ASB1: variants seen among roughly 807,000 people sequenced by gnomAD.
The protein encoded by ASB1 is ankyrin repeat and SOCS box protein 1.
Under a neutral mutation model 27.7 loss-of-function variants are expected in ASB1, and 18 were observed. The ratio of observed to expected loss-of-function variants is 0.65; its 90% CI spans 0.45 to 0.96. ASB1 has a LOEUF of 0.96. ASB1 is among the 50% of genes least tolerant of loss of function. The pLI is 0.00. For missense variants in ASB1, 397 were observed against 451.7 expected (o/e 0.88, Z 1.10); for synonymous variants, 189 against 187.6 (o/e 1.01, Z -0.06).
rs369712307 is a variant in ASB1 at position 238,446,547 on chromosome 2, A to G, written c.*36A>G. ...CTGCGGTTGATTCCAGTGAGGGAGA[A>G]AGTGATCTGCAGGGAGGTGGACACC... On this transcript the variant is annotated 3_prime_UTR_variant, in exon 5 of 5. Transcript: ENST00000264607. 4 of 1,609,782 alleles carry G rather than the reference A, an allele frequency of 2.5e-6. No homozygotes were observed. In the African/African-American group the frequency reaches 5.3e-5, roughly 21 times the overall value.
At chr2:238,436,796 T>C (rs1459946713) in intron 3 of ASB1, among the ~76,000 whole-genome samples, 1 of 152,102 alleles carries the variant, frequency 6.6e-6, no homozygotes, top group African/African-American at 2.4e-5. Context: ...TACATTTTTG[T>C]CATTGGATCT....
Position 238,435,960 on chromosome 2 carries a change from T to A in ASB1, c.441T>A (p.Pro147=), listed in dbSNP as rs201018863. Residue 147 remains proline, a synonymous_variant, in exon 3 of 5, where the codon CCT becomes CCA. Transcript: ENST00000264607. Reference sequence around the variant, plus strand: ...GAAGCCGGCACCATCGCAGCACCCCTGTCTACCACGCCTCTCGCGTGGGCC... The same window carrying A: ...GAAGCCGGCACCATCGCAGCACCCCAGTCTACCACGCCTCTCGCGTGGGCC... ...PNGSRHHRST[P]VYHASRVGRA... The A allele has an allele frequency of 6.2e-7, 1 of 1,614,038 alleles. No individual in the cohort carries two copies. Among genetic ancestry groups the A allele is most frequent in the East Asian group, 2.2e-5 (1 of 44,882 alleles).
rs1445040751 is a variant in ASB1, at chr2:238,443,751, T to C, written c.495-591T>C. On this transcript the variant is annotated intron_variant, in intron 3 of 4. Transcript: ENST00000264607. ...TTGTCATATGCCCACCTTTTTTTTT[T>C]TTTCTGCATCTGCAGAGATAATCAG... 2.6e-5 allele frequency among the ~76,000 whole-genome samples: 4 copies of C among 152,146 alleles called. No individual in the cohort carries two copies. In the East Asian group the frequency reaches 7.7e-4, roughly 29 times the overall value.
intron 3 of ASB1, among the ~76,000 whole-genome samples, chr2:238,440,642 G>A (rs1162814118): frequency 6.6e-6 from 1 of 152,180 alleles, no homozygotes; most frequent in African/African-American, 2.4e-5. Context: ...CCCCCTCATT[G>A]ACTGATCCCT....
Position 238,427,138 on chromosome 2 carries a change from C to G in ASB1, c.49+19C>G. On this transcript the variant is annotated intron_variant, in intron 1 of 4. Coordinates refer to ENST00000264607, the MANE Select transcript of ASB1 (RefSeq NM_001040445.3). ...TCCGCAGGTAACGTGCGCGCGGCCACTGGGCCGCGGGGCGTGTGGGGATGG... is the reference window on the plus strand; with the variant it reads ...TCCGCAGGTAACGTGCGCGCGGCCAGTGGGCCGCGGGGCGTGTGGGGATGG... The G allele has an allele frequency of 1.6e-6, 2 of 1,241,716 alleles. No individual in the cohort carries two copies. Among genetic ancestry groups the G allele is most frequent in the Non-Finnish European group, 2.0e-6 (2 of 991,774 alleles). 76.9% of individuals were successfully genotyped at this position (1,241,716 alleles called of 1,614,324 possible).
intron 1 of ASB1, 65 bp downstream of exon 1, chr2:238,427,184 C>T: frequency 1.7e-6 from 2 of 1,156,756 alleles, no homozygotes; most frequent in Non-Finnish European, 2.2e-6. Flanking sequence ...GCTCCGGCGT[C>T]CCTGCCGAGG....
At position 238,427,068 on chromosome 2, in the gene ASB1, T is replaced by C; in HGVS notation, c.-3T>C. On this transcript the variant is annotated 5_prime_UTR_variant, in exon 1 of 5. Transcript: ENST00000264607. ...AGGGGCGGCCGCGGAGGCGGAAGCATCCATGGCGGAGGGCGGCAGCCCAGA... is the reference window on the plus strand; with the variant it reads ...AGGGGCGGCCGCGGAGGCGGAAGCACCCATGGCGGAGGGCGGCAGCCCAGA... The C allele has an allele frequency of 2.4e-6, 3 of 1,263,006 alleles. No homozygotes were observed. The highest frequency in any genetic ancestry group is 3.0e-6 in the Non-Finnish European group (3 of 1,005,206). 78.2% of individuals were successfully genotyped at this position (1,263,006 alleles called of 1,614,324 possible).
intron 3 of ASB1, among the ~76,000 whole-genome samples, chr2:238,436,275 A>G (rs538465571): frequency 6.6e-6 from 1 of 151,938 alleles, no homozygotes. Context: ...TTAAGAATGC[A>G]AACTTGCAAC....
At chr2:238,436,522 G>A (rs1701974503) in intron 3 of ASB1, among the ~76,000 whole-genome samples, 1 of 152,040 alleles carries the variant, frequency 6.6e-6, no homozygotes, top group African/African-American at 2.4e-5. Context: ...TTTTTGAGGT[G>A]GGGTCTTACT....
intron 2 of ASB1, among the ~76,000 whole-genome samples, chr2:238,434,913 C>G (rs1701937377): frequency 6.6e-6 from 1 of 152,210 alleles, no homozygotes; most frequent in Non-Finnish European, 1.5e-5. Context: ...CTCGACTTTC[C>G]TGGGCAGTCA....
chr2:238,434,106 C>G (rs1307406451), intron 2 of ASB1, among the ~76,000 whole-genome samples: 2 of 152,206 alleles, frequency 1.3e-5, no homozygotes, highest in Admixed American at 6.5e-5. Flanking sequence ...GCCCTTTCCT[C>G]TAGCTTCTCA....
At chr2:238,438,386 G>A (rs1005417964) in intron 3 of ASB1, among the ~76,000 whole-genome samples, 38 of 151,844 alleles carry the variant, frequency 2.5e-4, no homozygotes, top group African/African-American at 9.2e-4. Flanking sequence ...ATTTTTAGTT[G>A]AGACAGGGTT....
intron 1 of ASB1, among the ~76,000 whole-genome samples, chr2:238,431,660 T>C (rs1701873257): frequency 2.0e-5 from 3 of 152,356 alleles, no homozygotes; most frequent in Non-Finnish European, 2.9e-5. Context: ...TGTGACTGTT[T>C]CTTTAACTTG....
rs200568336 is a variant in ASB1 at position 238,444,656 on chromosome 2, C to T, written c.809C>T (p.Ser270Leu). The change falls in exon 4 of 5, where the codon TCG becomes TTG. Residue 270 changes from serine to leucine, a missense_variant. Physicochemically the swap from Ser to Leu is moderately radical, Grantham distance 145. Transcript: ENST00000264607. ...GANLNLVKWESLGPESRGRRK... is the reference protein window; with the variant it reads ...GANLNLVKWELLGPESRGRRK... ...AACCTGAATCTAGTGAAGTGGGAAT[C>T]GCTGGGCCCAGAGTCGAGAGGAAGA... 234 of 1,613,988 alleles carry T rather than the reference C, an allele frequency of 1.4e-4. 1 individual carries two copies. Among genetic ancestry groups the T allele is most frequent in the Middle Eastern group, 4.9e-4 (3 of 6,082 alleles).
At position 238,446,499 on chromosome 2, in the gene ASB1, A is replaced by C. The variant is rs767580023; in HGVS notation, c.996A>C (p.Leu332=). 2.5e-6 allele frequency: 4 copies of C among 1,613,938 alleles called. No individual in the cohort carries two copies. The highest frequency in any genetic ancestry group is 2.5e-6 in the Non-Finnish European group (3 of 1,180,002). The part of the protein sequence containing the change: ...LPLPDPIKKF[L]LHE ...TGCCAGACCCCATAAAGAAGTTTCT[A>C]CTCCATGAGTAGACTCCAAGTGCTG... The change falls in exon 5 of 5, where the codon CTA becomes CTC. Residue 332 remains leucine, a synonymous_variant. Coordinates refer to ENST00000264607, the MANE Select transcript of ASB1 (RefSeq NM_001040445.3).
chr2:238,449,641 T>C lies in ASB1; in HGVS notation c.*3130T>C, dbSNP rs1702245734. The C allele has an allele frequency of 6.6e-6, 1 of 152,200 alleles. No individual in the cohort carries two copies. The highest frequency in any genetic ancestry group is 2.4e-5 in the African/African-American group (1 of 41,430). The allele number at this position is 152,200 out of a possible 1,614,324, so 9.4% of individuals were successfully genotyped here. On this transcript the variant is annotated 3_prime_UTR_variant, in exon 5 of 5. Transcript: ENST00000264607. ...ATTCTGTGACTCTTTGCATCACTCGTGTTATTTATTTATTTATTTATATTC... is the reference window on the plus strand; with the variant it reads ...ATTCTGTGACTCTTTGCATCACTCGCGTTATTTATTTATTTATTTATATTC...
chr2:238,448,689 C>G lies in ASB1; in HGVS notation c.*2178C>G, dbSNP rs1051535030. 1 of 152,420 alleles carries G rather than the reference C, an allele frequency of 6.6e-6. No homozygotes were observed. The highest frequency in any genetic ancestry group is 1.5e-5 in the Non-Finnish European group (1 of 68,186). The allele number at this position is 152,420 out of a possible 1,614,324, so 9.4% of individuals were successfully genotyped here. A position where few individuals can be genotyped will look rare whatever the true frequency, so the allele number is the denominator to read the frequency against. The stretch of plus-strand genomic sequence containing the variant: ...TATTGAACCTTTTGGGAAGCAGCAC[C>G]TGGGAATGCTGCCTCGTGGGAGTCC... On this transcript the variant is annotated 3_prime_UTR_variant, in exon 5 of 5. Coordinates refer to ENST00000264607, the MANE Select transcript of ASB1 (RefSeq NM_001040445.3).
rs1398898914 is a variant in ASB1, at chr2:238,436,011, C to A, written c.492C>A (p.Ile164=). 5 of 1,605,736 alleles carry A rather than the reference C, an allele frequency of 3.1e-6. No individual in the cohort carries two copies. ...GGGCAGACATCCTGAAGGCCCTCAT[C>A]AGGCCAGTACTGTGGAGCTCGCCTG... ...VGRADILKAL[I]RYGADVDVNH... is the part of the protein sequence containing the mutation. The change falls in exon 3 of 5, where the codon ATC becomes ATA. Residue 164 remains isoleucine (I), a splice_region_variant and synonymous_variant. Transcript: ENST00000264607.
At chr2:238,440,546 A>G (rs1702059560) in intron 3 of ASB1, among the ~76,000 whole-genome samples, 1 of 152,070 alleles carries the variant, frequency 6.6e-6, no homozygotes, top group Admixed American at 6.5e-5. Flanking sequence ...GCCTCTTCCC[A>G]TACATGGCTC....
Sources: allele counts gnomAD v4.1 joint callset (sites outside exome capture counted in the v4.1 genomes callset), GRCh38; gene constraint gnomAD v4.1.1; transcripts MANE v1.5; gene names NCBI Gene and HGNC (gene_info 2026-07-23, HGNC 2026-07-21).